Variants in ZNF800 observed in about 807,000 individuals in gnomAD.
ZNF800 encodes the protein zinc finger protein 800.
ZNF800 carries 13 observed loss-of-function variants against 59.5 expected under a neutral mutation model. The ratio of observed to expected loss-of-function variants is 0.22; its 90% confidence interval spans 0.14 to 0.35. ZNF800 has a LOEUF of 0.35. Among genes scored for constraint, ZNF800 ranks in the 10% least tolerant of loss-of-function variants. ZNF800 has a pLI of 1.00. For missense variants in ZNF800, 621 were observed against 783.7 expected (o/e 0.79, Z 2.48); for synonymous variants, 266 against 265.7 (o/e 1.00, Z -0.01).
chr7:127,352,693 T>A lies in ZNF800; in HGVS notation n.225-4650A>T, dbSNP rs950180255. Among the ~76,000 whole-genome samples, 5 of 152,216 alleles carry A rather than the reference T, an allele frequency of 3.3e-5. 1 individual carries two copies. The highest frequency in any genetic ancestry group is 2.0e-4 in the Admixed American group (3 of 15,292). On this transcript the variant is annotated intron_variant and non_coding_transcript_variant, in intron 1 of 1. Transcript: ENST00000485577. ...CACTTCCCATCTCAAATTAAAGAAC[T>A]GAATTGTGGAATTTATACACTACTA...
intron 3 of ZNF800, among the ~76,000 whole-genome samples, chr7:127,381,700 G>T (rs186544304): frequency 6.6e-6 from 1 of 151,722 alleles, no homozygotes; most frequent in African/African-American, 2.4e-5. Flanking sequence ...CTTTGAATAT[G>T]AATGTAAGGA....
chr7:127,348,196 G>A (rs944210563), intron 1 of ZNF800, among the ~76,000 whole-genome samples: 1 of 152,146 alleles, frequency 6.6e-6, no homozygotes, highest in South Asian at 2.1e-4. Flanking sequence ...AGGGTGCCAA[G>A]AGAGAAAACT....
chr7:127,389,375 C>A (rs6978090), intron 2 of ZNF800, among the ~76,000 whole-genome samples: 97,455 of 151,978 alleles, frequency 0.64, 31,652 homozygotes, highest in East Asian at 0.86. Context: ...TGCCACCCTT[C>A]ACTATAAATT....
chr7:127,373,515 A>G lies in ZNF800; in HGVS notation c.1821T>C (p.Ile607=). The change falls in exon 5 of 6, where the codon ATT becomes ATC. Residue 607 remains isoleucine, a synonymous_variant. Transcript: ENST00000265827. ...SKKYEVADVG[I]EVKVTKNFSL... is the part of the protein sequence containing the mutation. Reference sequence around the variant, plus strand: ...AAAAGTTTTTTGTGACTTTTACTTCAATACCGACGTCAGCTACTTCATACT... The same window carrying G: ...AAAAGTTTTTTGTGACTTTTACTTCGATACCGACGTCAGCTACTTCATACT... 1.9e-6 allele frequency: 3 copies of G among 1,610,646 alleles called. No homozygotes were observed. The highest frequency in any genetic ancestry group is 2.2e-5 in the East Asian group (1 of 44,844).
intron 5 of ZNF800, 30 bp downstream of exon 5, chr7:127,373,312 A>T: frequency 6.5e-7 from 1 of 1,537,528 alleles, no homozygotes; most frequent in Non-Finnish European, 8.7e-7. Context: ...ATGGGGGGAA[A>T]AAAGCAAAAC....
downstream of ZNF800, among the ~76,000 whole-genome samples, chr7:127,369,242 A>C (rs910261474): frequency 6.6e-6 from 1 of 152,050 alleles, no homozygotes; most frequent in Non-Finnish European, 1.5e-5. Flanking sequence ...CCATAGGAAA[A>C]CTCTTAATTG....
Position 127,391,595 on chromosome 7 carries a change from A to C in ZNF800, c.-38T>G. On this transcript the variant is annotated 5_prime_UTR_variant, in exon 2 of 6. Transcript: ENST00000265827. Reference sequence around the variant, plus strand: ...CGACCTACTTTGCTTTCACTGTAAGAAGCTCTTCATTGCGGCGTGGCTGTT... The same window carrying C: ...CGACCTACTTTGCTTTCACTGTAAGCAGCTCTTCATTGCGGCGTGGCTGTT... 2 of 1,597,630 alleles carry C rather than the reference A, an allele frequency of 1.3e-6. No homozygotes were observed. The highest frequency in any genetic ancestry group is 1.7e-6 in the Non-Finnish European group (2 of 1,164,996).
At chr7:127,369,141 A>G (rs941187596), downstream of ZNF800, among the ~76,000 whole-genome samples, 3 of 152,120 alleles carry the variant, frequency 2.0e-5, no homozygotes, top group Non-Finnish European at 4.4e-5. Context: ...TCAAACTTAT[A>G]AAGTTGAAGA....
Position 127,374,093 on chromosome 7 carries a change from A to G in ZNF800, c.1243T>C (p.Ser415Pro). Residue 415 changes from serine to proline, a missense_variant, in exon 5 of 6, where the codon TCT (serine) becomes CCT (proline). Physicochemically the swap from Ser to Pro is moderately conservative, Grantham distance 74. Transcript: ENST00000265827. Reference sequence around the variant, plus strand: ...ATGGAAGGGGGTGAAGATTCTACAGAATCTGCTGGTTCAACTTTAACTTTT... The same window carrying G: ...ATGGAAGGGGGTGAAGATTCTACAGGATCTGCTGGTTCAACTTTAACTTTT... Reference protein sequence around the residue: ...EIKVKVEPADSVESSPPSITH... With the variant: ...EIKVKVEPADPVESSPPSITH... 2 of 1,614,054 alleles carry G rather than the reference A, an allele frequency of 1.2e-6. No individual in the cohort carries two copies. Among genetic ancestry groups the G allele is most frequent in the Non-Finnish European group, 1.7e-6 (2 of 1,179,998 alleles).
intron 5 of ZNF800, chr7:127,372,846 T>G: frequency 2.0e-6 from 2 of 985,398 alleles, no homozygotes; most frequent in African/African-American, 3.5e-5. Flanking sequence ...GCATTTTATT[T>G]AGCCGTCACA....
At chr7:127,391,269 T>C (rs1012810556) in intron 2 of ZNF800, among the ~76,000 whole-genome samples, 7 of 152,172 alleles carry the variant, frequency 4.6e-5, no homozygotes, top group African/African-American at 1.7e-4. Flanking sequence ...GCGACTGATC[T>C]TGTGGAAATG....
chr7:127,377,409 C>A lies in ZNF800; in HGVS notation c.158-80G>T. On this transcript the variant is annotated intron_variant, in intron 3 of 5. Coordinates refer to ENST00000265827, the MANE Select transcript of ZNF800 (RefSeq NM_176814.5). This position sits in a 1 kb window ranked among gnomAD's most constrained non-coding sequence, Gnocchi z 4.7. Reference sequence around the variant, plus strand: ...TTTTAAACTGGACAACCACTGTTGACAGACCAAAAGTGCAGTTACTCTTTG... The same window carrying A: ...TTTTAAACTGGACAACCACTGTTGAAAGACCAAAAGTGCAGTTACTCTTTG... The A allele has an allele frequency of 8.1e-7, 1 of 1,238,944 alleles. No homozygotes were observed. Among genetic ancestry groups the A allele is most frequent in the Non-Finnish European group, 1.1e-6 (1 of 901,586 alleles). 76.7% of individuals were successfully genotyped at this position (1,238,944 alleles called of 1,614,324 possible). A position where few individuals can be genotyped will look rare whatever the true frequency, so the allele number is the denominator to read the frequency against.
rs775837299 is a variant in ZNF800 at position 127,386,168 on chromosome 7, C to A, written c.62-13G>T. The A allele has an allele frequency of 4.6e-6, 7 of 1,526,252 alleles. No individual in the cohort carries two copies. Among genetic ancestry groups the A allele is most frequent in the Non-Finnish European group, 6.3e-6 (7 of 1,102,732 alleles). 94.5% of individuals were successfully genotyped at this position (1,526,252 alleles called of 1,614,324 possible). A position where few individuals can be genotyped will look rare whatever the true frequency, so the allele number is the denominator to read the frequency against. ...TCCAGGATATAAACTACATGGAAGA[C>A]AAACACCCACCCCAATCCCCACAAA... On this transcript the variant is annotated splice_polypyrimidine_tract_variant and intron_variant, in intron 2 of 5. Transcript: ENST00000265827.
At chr7:127,369,383 T>C (rs565727246), downstream of ZNF800, among the ~76,000 whole-genome samples, 13 of 152,260 alleles carry the variant, frequency 8.5e-5, no homozygotes, top group East Asian at 1.9e-3. Flanking sequence ...TATGTGTTTA[T>C]GTAGCCTACA....
chr7:127,382,199 C>G (rs559655510), intron 3 of ZNF800, among the ~76,000 whole-genome samples: 1 of 152,220 alleles, frequency 6.6e-6, no homozygotes, highest in Non-Finnish European at 1.5e-5. Context: ...ATATTAAAGA[C>G]CAGTCTTGAA....
chr7:127,366,365 T>C (rs1157762100), downstream of ZNF800, among the ~76,000 whole-genome samples: 1 of 152,154 alleles, frequency 6.6e-6, no homozygotes, highest in East Asian at 1.9e-4. Context: ...ACTCAAACTA[T>C]GCAGCATAAT....
downstream of ZNF800, among the ~76,000 whole-genome samples, chr7:127,367,147 T>C (rs1800526526): frequency 6.6e-6 from 1 of 152,042 alleles, no homozygotes; most frequent in Non-Finnish European, 1.5e-5. Flanking sequence ...TTTTTCTCAT[T>C]TTGTAACACC....
downstream of ZNF800, among the ~76,000 whole-genome samples, chr7:127,345,781 G>A (rs77250396): frequency 2.9e-3 from 444 of 152,248 alleles, 3 homozygotes; most frequent in African/African-American, 0.01. Flanking sequence ...TATCAAAAAC[G>A]TATTGGAGTG....
In ZNF800 at chr7:127,392,615, T is replaced by C. The variant is rs1009938313; in HGVS notation, c.-614A>G. 6.0e-6 allele frequency: 1 copy of C among 165,916 alleles called. No individual in the cohort carries two copies. The highest frequency in any genetic ancestry group is 1.3e-5 in the Non-Finnish European group (1 of 77,472). The allele number at this position is 165,916 out of a possible 1,614,324, so 10.3% of individuals were successfully genotyped here. On this transcript the variant is annotated 5_prime_UTR_variant, in exon 1 of 6. Transcript: ENST00000265827. ...TTAAGTCAGCCTCTCTTTTACTCTGTCGCCCCCTCCTCCGGAGAGCCCGAG... is the reference window on the plus strand; with the variant it reads ...TTAAGTCAGCCTCTCTTTTACTCTGCCGCCCCCTCCTCCGGAGAGCCCGAG...
Sources: allele counts gnomAD v4.1 joint callset (sites outside exome capture counted in the v4.1 genomes callset), GRCh38; gene constraint gnomAD v4.1.1; non-coding constraint Gnocchi (gnomAD v3.1); transcripts MANE v1.5; gene names NCBI Gene and HGNC (gene_info 2026-07-23, HGNC 2026-07-21).